The following TMC5 variants were observed in gnomAD, a reference collection of about 807,000 sequenced individuals.
TMC5 encodes the protein transmembrane channel like 5.
A neutral mutation model predicts 110.5 loss-of-function variants in TMC5; 86 were observed. The observed-to-expected ratio is 0.78, with a 90% confidence interval of 0.65 to 0.93. TMC5 has a LOEUF of 0.93. TMC5 is among the 40% of genes least tolerant of loss of function. The pLI is 0.00. For missense variants in TMC5, 1,144 were observed against 1,222.8 expected (o/e 0.94, Z 0.96); for synonymous variants, 455 against 439.5 (o/e 1.04, Z -0.44).
At chr16:19,431,833 C>T (rs757180456) in intron 2 of TMC5, among the ~76,000 whole-genome samples, 3 of 152,200 alleles carry the variant, frequency 2.0e-5, no homozygotes, top group Non-Finnish European at 4.4e-5. Context: ...CCATCTTCTG[C>T]TGGCACCTGT....
At chr16:19,413,391 G>T (rs1385205928), upstream of TMC5, among the ~76,000 whole-genome samples, 3 of 151,898 alleles carry the variant, frequency 2.0e-5, no homozygotes, top group African/African-American at 2.4e-5. Flanking sequence ...GGGTGTGGTG[G>T]TGCATGCCTG....
chr16:19,435,036 G>T (rs1967310119), intron 2 of TMC5, among the ~76,000 whole-genome samples: 1 of 152,018 alleles, frequency 6.6e-6, no homozygotes, highest in Non-Finnish European at 1.5e-5. Flanking sequence ...CTTCACGTAG[G>T]TTTTGTTTTC....
chr16:19,436,015 A>G (rs751633117), intron 2 of TMC5, among the ~76,000 whole-genome samples: 4 of 152,054 alleles, frequency 2.6e-5, no homozygotes, highest in Non-Finnish European at 5.9e-5. Context: ...TAATCCTAGC[A>G]CTTTGGGAGG....
At chr16:19,442,041 G>A (rs1396837696) in intron 3 of TMC5, among the ~76,000 whole-genome samples, 2 of 152,198 alleles carry the variant, frequency 1.3e-5, no homozygotes, top group Non-Finnish European at 2.9e-5. Flanking sequence ...AATCTGAGGT[G>A]ATCCACCTGC....
At chr16:19,423,769 T>G (rs913817258) in intron 1 of TMC5, among the ~76,000 whole-genome samples, 2 of 152,108 alleles carry the variant, frequency 1.3e-5, no homozygotes, top group Non-Finnish European at 2.9e-5. Context: ...ATTATTATTT[T>G]GAGACAGAAT....
chr16:19,436,631 C>A (rs1170755223), intron 2 of TMC5, among the ~76,000 whole-genome samples: 3 of 152,002 alleles, frequency 2.0e-5, no homozygotes, highest in African/African-American at 4.8e-5. Context: ...TGTCAGAATT[C>A]TTTTTTTTCA....
intron 20 of TMC5, among the ~76,000 whole-genome samples, chr16:19,496,098 C>T (rs1389345827): frequency 6.7e-6 from 1 of 149,668 alleles, no homozygotes; most frequent in Non-Finnish European, 1.5e-5. Flanking sequence ...GTGGAGATTG[C>T]AGTGAGCCAA....
At chr16:19,474,336 A>G in intron 12 of TMC5, 60 bp downstream of exon 12, 4 of 1,565,326 alleles carry the variant, frequency 2.6e-6, no homozygotes, top group Admixed American at 1.8e-5. Context: ...GTGGGATGGC[A>G]GCTAGAAAGG....
chr16:19,464,683 G>C (rs1265929180), intron 8 of TMC5, among the ~76,000 whole-genome samples: 4 of 151,010 alleles, frequency 2.6e-5, no homozygotes, highest in South Asian at 2.1e-4. Context: ...TTCTTGTGTT[G>C]GTGTTTATAG....
intron 2 of TMC5, among the ~76,000 whole-genome samples, chr16:19,432,637 G>C (rs886552554): frequency 6.6e-6 from 1 of 152,166 alleles, no homozygotes; most frequent in Non-Finnish European, 1.5e-5. Flanking sequence ...CCTTTTCTGT[G>C]GGTTTAGCTC....
rs1967452995 is a variant in TMC5, at chr16:19,440,247, C to T, written c.209C>T (p.Ala70Val). 1 of 1,614,116 alleles carries T rather than the reference C, an allele frequency of 6.2e-7. No homozygotes were observed. Among genetic ancestry groups the T allele is most frequent in the East Asian group, 2.2e-5 (1 of 44,886 alleles). ...RTRPDYPGSLAEPNYPRSLSN... is the reference protein window; with the variant it reads ...RTRPDYPGSLVEPNYPRSLSN... ...CGTCCAGACTATCCTGGGTCTCTGGCAGAACCAAATTATCCTAGATCTCTG... is the reference window on the plus strand; with the variant it reads ...CGTCCAGACTATCCTGGGTCTCTGGTAGAACCAAATTATCCTAGATCTCTG... Residue 70 changes from alanine (A) to valine (V), a missense_variant, in exon 3 of 22, where the codon GCA becomes GTA. Transcript: ENST00000542583.
chr16:19,425,116 C>A (rs958116342), intron 1 of TMC5, among the ~76,000 whole-genome samples: 1 of 152,162 alleles, frequency 6.6e-6, no homozygotes, highest in Admixed American at 6.5e-5. Context: ...GTTTTAGGAG[C>A]CTGTGCCGGA....
intron 13 of TMC5, 92 bp from the exon 14 acceptor site, chr16:19,479,339 A>T: frequency 1.1e-6 from 1 of 946,600 alleles, no homozygotes; most frequent in Non-Finnish European, 1.7e-6. Context: ...ACCATTAGCT[A>T]TGTCCTGATG....
intron 9 of TMC5, 50 bp from the exon 10 acceptor site, chr16:19,469,631 C>T (rs1263513157): frequency 1.2e-6 from 2 of 1,608,834 alleles, no homozygotes; most frequent in Non-Finnish European, 1.7e-6. Flanking sequence ...CCTGCACTCC[C>T]AGTGACGGCC....
chr16:19,440,640 C>G lies in TMC5; in HGVS notation c.602C>G (p.Ser201Cys), dbSNP rs199797778. The G allele has an allele frequency of 3.3e-5, 53 of 1,614,094 alleles. No homozygotes were observed. Among genetic ancestry groups the G allele is most frequent in the Non-Finnish European group, 2.9e-5 (34 of 1,180,056 alleles). The part of the protein sequence containing the change: ...TSFRINPYAD[S>C]LGKPDYPGAD... ...TTTAGAATCAATCCATACGCAGACT[C>G]TCTGGGAAAGCCTGATTATCCAGGC... Residue 201 changes from serine (S) to cysteine (C), a missense_variant, in exon 3 of 22, where the codon TCT (serine) becomes TGT (cysteine). Ser to Cys is a moderately radical substitution (Grantham distance 112, BLOSUM62 -1). Transcript: ENST00000542583.
chr16:19,472,728 CAG>C (rs1968375130), intron 11 of TMC5, among the ~76,000 whole-genome samples: 2 of 152,070 alleles, frequency 1.3e-5, no homozygotes, highest in Admixed American at 1.3e-4. Context: ...AAAAGGGGCT[CAG>C]AGAAGCTAAG....
chr16:19,474,105 C>G lies in TMC5; in HGVS notation c.1939-20C>G, dbSNP rs762373399. The stretch of plus-strand genomic sequence containing the variant: ...ACAGTGTACAAGTCAGCCCTCCGTT[C>G]TCTCCCCCATCCCCTGCAGTTCCTG... On this transcript the variant is annotated intron_variant, in intron 11 of 21. Transcript: ENST00000542583. 2.5e-6 allele frequency: 4 copies of G among 1,611,204 alleles called. No individual in the cohort carries two copies. The highest frequency in any genetic ancestry group is 3.4e-6 in the Non-Finnish European group (4 of 1,179,048).
chr16:19,449,488 G>A, intron 4 of TMC5, 54 bp from the exon 5 acceptor site: 3 of 1,431,418 alleles, frequency 2.1e-6, no homozygotes, highest in Non-Finnish European at 2.0e-6. Flanking sequence ...TGCATGCCAG[G>A]AATGTCTAGT....
intron 1 of TMC5, among the ~76,000 whole-genome samples, chr16:19,426,543 C>A (rs1234168099): frequency 6.6e-6 from 1 of 152,144 alleles, no homozygotes; most frequent in Non-Finnish European, 1.5e-5. Context: ...CCTAGTAGAT[C>A]TCAGTGGGTG....
Sources: allele counts gnomAD v4.1 joint callset (sites outside exome capture counted in the v4.1 genomes callset), GRCh38; gene constraint gnomAD v4.1.1; transcripts MANE v1.5; gene names NCBI Gene and HGNC (gene_info 2026-07-23, HGNC 2026-07-21).